The following IFT74 variants were observed in gnomAD, a reference collection of about 807,000 sequenced individuals.
The protein encoded by IFT74 is intraflagellar transport protein 74 homolog.
A neutral mutation model predicts 96.7 loss-of-function variants in IFT74; 92 were observed. The ratio of observed to expected loss-of-function variants is 0.95; its 90% CI spans 0.80 to 1.13. The LOEUF is 1.13. IFT74 is among the 50% of genes most tolerant of loss of function. The probability of loss-of-function intolerance (pLI) is 0.00; values close to 1 mark genes in which losing one functional copy is unlikely to be tolerated. For synonymous variants in IFT74, 223 were observed against 213.2 expected, an observed-to-expected ratio of 1.05 and a Z score of -0.40; for missense variants, 811 against 698.2, an observed-to-expected ratio of 1.16 and a Z score of -1.82.
rs1820128666 is a variant in IFT74, at chr9:27,055,676, G to A, written c.1401G>A (p.Gln467=). The change falls in exon 17 of 20, where the codon CAG becomes CAA. Residue 467 remains glutamine (Q), a synonymous_variant. Transcript: ENST00000380062. ...TAGAAAGTAAGATGACTGAAGAACA[G>A]CATTCTCTAAAAAGCAAAATTAAGC... is the stretch of plus-strand genomic sequence containing the variant. ...ELLESKMTEE[Q]HSLKSKIKQM... 6.3e-7 allele frequency: 1 copy of A among 1,592,870 alleles called. No individual in the cohort carries two copies.
chr9:26,988,613 G>C, intron 6 of IFT74, 56 bp from the exon 7 acceptor site: 1 of 1,425,462 alleles, frequency 7.0e-7, no homozygotes, highest in South Asian at 1.3e-5. Context: ...TAATTATAGA[G>C]AACATGTGTA....
At position 26,974,695 on chromosome 9, in the gene IFT74, G is replaced by A. The variant is rs184492383; in HGVS notation, c.121-3433G>A. ...TCCAAATTGCCATAGCAGCCCTACG[G>A]TTATGCTTTTTTTCTCCTCCGAAAA... is the stretch of plus-strand genomic sequence containing the variant. On this transcript the variant is annotated intron_variant, in intron 2 of 19. Coordinates refer to ENST00000380062, the MANE Select transcript of IFT74 (RefSeq NM_025103.4). Among the ~76,000 whole-genome samples, 220 of 152,198 alleles carry A rather than the reference G, an allele frequency of 1.4e-3. 2 individuals carry two copies. The highest frequency in any genetic ancestry group is 2.7e-3 in the Admixed American group (42 of 15,276).
At chr9:26,968,764 T>C (rs553241025) in intron 2 of IFT74, among the ~76,000 whole-genome samples, 2 of 152,190 alleles carry the variant, frequency 1.3e-5, no homozygotes, top group South Asian at 4.1e-4. Context: ...AGTATCTTCT[T>C]TTTTTCATTT....
chr9:26,982,578 C>G (rs1007231137), intron 4 of IFT74, among the ~76,000 whole-genome samples: 1 of 151,660 alleles, frequency 6.6e-6, no homozygotes, highest in Non-Finnish European at 1.5e-5. Context: ...GCCTCAGCCT[C>G]CCGAGTAGCT....
intron 12 of IFT74, among the ~76,000 whole-genome samples, chr9:27,024,277 A>G (rs895928670): frequency 6.6e-6 from 1 of 152,134 alleles, no homozygotes; most frequent in African/African-American, 2.4e-5. Flanking sequence ...CTCTTCAGCT[A>G]CCTCCACCAG....
chr9:26,967,422 G>T (rs1049661825), intron 2 of IFT74, among the ~76,000 whole-genome samples: 3 of 151,876 alleles, frequency 2.0e-5, no homozygotes, highest in Non-Finnish European at 4.4e-5. Flanking sequence ...AAATGCTATT[G>T]ATTTTTGTAT....
At position 27,019,904 on chromosome 9, in the gene IFT74, C is replaced by A. The variant is rs74319119; in HGVS notation, c.974+1217C>A. ...CATTTCATTTATTTGTATTTGAATA[C>A]ATTTATTTGAAATTTGTAAAACAAT... On this transcript the variant is annotated intron_variant, in intron 12 of 19. Transcript: ENST00000380062. Among the ~76,000 whole-genome samples the A allele has an allele frequency of 5.9e-3, 898 of 152,050 alleles. 9 individuals carry two copies. The highest frequency in any genetic ancestry group is 0.021 in the African/African-American group (855 of 41,502).
intron 1 of IFT74, among the ~76,000 whole-genome samples, chr9:26,949,814 G>C (rs548575210): frequency 2.0e-5 from 3 of 152,178 alleles, no homozygotes; most frequent in Admixed American, 6.6e-5. Context: ...AACTATCTTC[G>C]TGAACCTGAG....
At chr9:26,997,683 A>G (rs758059684) in intron 8 of IFT74, 3 of 1,535,396 alleles carry the variant, frequency 2.0e-6, no homozygotes, top group South Asian at 2.6e-5. Context: ...GTGGTGGAAC[A>G]TTGAGTTAAT....
intron 13 of IFT74, among the ~76,000 whole-genome samples, chr9:27,043,846 A>G (rs1322954297): frequency 6.6e-6 from 1 of 152,128 alleles, no homozygotes; most frequent in Non-Finnish European, 1.5e-5. Flanking sequence ...CGCTCTACTC[A>G]AGGCAGCTTT....
intron 13 of IFT74, chr9:27,036,562 T>C (rs1372735257): frequency 3.7e-6 from 6 of 1,604,826 alleles, no homozygotes; most frequent in Non-Finnish European, 5.1e-6. Context: ...AACTGAAGAA[T>C]ACCCTGCTAT....
upstream of IFT74, among the ~76,000 whole-genome samples, chr9:26,951,496 T>C (rs1342351712): frequency 6.6e-6 from 1 of 152,110 alleles, no homozygotes; most frequent in Non-Finnish European, 1.5e-5. Context: ...TGGAAAATGA[T>C]AGAAATTTTA....
At chr9:27,054,677 T>A (rs1820081376) in intron 16 of IFT74, among the ~76,000 whole-genome samples, 1 of 152,238 alleles carries the variant, frequency 6.6e-6, no homozygotes. Flanking sequence ...TGATCATTTG[T>A]GGGCATGTGC....
chr9:26,988,287 C>T (rs1411673726), intron 6 of IFT74, among the ~76,000 whole-genome samples: 1 of 152,106 alleles, frequency 6.6e-6, no homozygotes. Flanking sequence ...TAACATTCCT[C>T]TCTCCTTGGG....
At chr9:26,949,818 AC>A (rs1372531066) in intron 1 of IFT74, among the ~76,000 whole-genome samples, 1 of 152,100 alleles carries the variant, frequency 6.6e-6, no homozygotes, top group Admixed American at 6.5e-5. Context: ...ATCTTCGTGA[AC>A]CTGAGTCATT....
chr9:27,055,796 G>A (rs769109145), intron 17 of IFT74, 24 bp downstream of exon 17: 57 of 1,426,046 alleles, frequency 4.0e-5, no homozygotes, highest in Non-Finnish European at 1.9e-6. Flanking sequence ...AAGTCTTACA[G>A]AATTACAATT....
intron 16 of IFT74, among the ~76,000 whole-genome samples, chr9:27,050,521 T>A (rs1447026818): frequency 6.6e-6 from 1 of 152,202 alleles, no homozygotes; most frequent in East Asian, 1.9e-4. Context: ...TATGAACTAA[T>A]GGCTTCTGTG....
chr9:26,982,342 C>A, intron 4 of IFT74: 2 of 443,538 alleles, frequency 4.5e-6, no homozygotes, highest in South Asian at 3.2e-5. Flanking sequence ...CACGTCACTG[C>A]AACTTCCACC....
In IFT74 at chr9:27,048,149, A is replaced by G. The variant is rs757115728; in HGVS notation, c.1208A>G (p.Asn403Ser). The G allele has an allele frequency of 5.1e-6, 8 of 1,566,134 alleles. No individual in the cohort carries two copies. Among genetic ancestry groups the G allele is most frequent in the Non-Finnish European group, 4.3e-6 (5 of 1,156,162 alleles). ...ATTTTTATTTCTCTGCAAATGCAGA[A>G]TATAAATCGTATAGAACAGATATCC... is the stretch of plus-strand genomic sequence containing the variant. ...IVALLEHCSRNINRIEQISSI... is the reference protein window; with the variant it reads ...IVALLEHCSRSINRIEQISSI... The change falls in exon 16 of 20, where the codon AAT becomes AGT. Residue 403 changes from asparagine (N) to serine (S), a missense_variant and splice_region_variant. Physicochemically the swap from Asn to Ser is conservative, Grantham distance 46 (BLOSUM62 1). Transcript: ENST00000380062.
Sources: gnomAD v4.1 joint callset for allele counts (sites outside exome capture counted in the v4.1 genomes callset) on GRCh38, gnomAD v4.1.1 for gene constraint, MANE v1.5 for transcripts, NCBI Gene and HGNC (gene_info 2026-07-23, HGNC 2026-07-21) for gene names.